Variants in VPS13B observed in about 807,000 individuals in gnomAD.
VPS13B encodes the protein vacuolar protein sorting 13 homolog B.
VPS13B carries 285 observed loss-of-function variants against 426.4 expected under a neutral mutation model. The ratio of observed to expected loss-of-function variants is 0.67; its 90% confidence interval spans 0.61 to 0.74. The LOEUF is 0.74. Ranked by LOEUF, VPS13B falls within the 30% of genes least tolerant of loss-of-function variation. VPS13B has a pLI of 0.00. For synonymous variants in VPS13B, 1,676 were observed against 1,676.4 expected (o/e 1.00, Z 0.01); for missense variants, 4,537 against 4,782.6 (o/e 0.95, Z 1.51).
At chr8:99,571,733 A>G (rs1488964706) in intron 31 of VPS13B, among the ~76,000 whole-genome samples, 1 of 152,140 alleles carries the variant, frequency 6.6e-6, no homozygotes, top group East Asian at 1.9e-4. Context: ...CATTTTATGG[A>G]ATTTGAGCTA....
At chr8:99,623,357 CTT>C (rs1358462200) in intron 33 of VPS13B, among the ~76,000 whole-genome samples, 1 of 152,188 alleles carries the variant, frequency 6.6e-6, no homozygotes, top group Non-Finnish European at 1.5e-5. Context: ...TTACTCTGCT[CTT>C]GTCTTTCTCA....
Position 99,577,504 on chromosome 8 carries a change from T to C in VPS13B, c.5091T>C (p.Cys1697=). ...TTTTGCTTCAGGAGATTTTAGTGTG[T>C]GGCCATTCCTTAGAAGTGAATATAA... ...ENLHTEEILV[C]GHSLEVNITT... is the part of the protein sequence containing the mutation. Residue 1697 remains cysteine (C), a synonymous_variant, in exon 33 of 62, where the codon TGT becomes TGC. Coordinates refer to ENST00000357162, the MANE Select transcript of VPS13B (RefSeq NM_152564.5). 1 of 1,613,812 alleles carries C rather than the reference T, an allele frequency of 6.2e-7. No individual in the cohort carries two copies. Among genetic ancestry groups the C allele is most frequent in the Non-Finnish European group, 8.5e-7 (1 of 1,179,722 alleles).
chr8:99,640,640 A>C (rs2133929512), intron 33 of VPS13B, among the ~76,000 whole-genome samples: 1 of 152,158 alleles, frequency 6.6e-6, no homozygotes, highest in Admixed American at 6.5e-5. Context: ...CTAATTGAAA[A>C]CTTGAATATC....
intron 3 of VPS13B, among the ~76,000 whole-genome samples, chr8:99,040,720 T>A (rs1842930425): frequency 1.3e-5 from 2 of 152,112 alleles, no homozygotes; most frequent in African/African-American, 4.8e-5. Context: ...AAATTGTGGT[T>A]GGAATGGTAG....
chr8:99,216,061 T>C (rs1013282194), intron 17 of VPS13B, among the ~76,000 whole-genome samples: 1 of 152,224 alleles, frequency 6.6e-6, no homozygotes, highest in African/African-American at 2.4e-5. Context: ...TGAAGTTCTT[T>C]TAGTAACTAA....
At chr8:99,763,917 C>G (rs1160001841) in intron 39 of VPS13B, among the ~76,000 whole-genome samples, 1 of 152,132 alleles carries the variant, frequency 6.6e-6, no homozygotes, top group Non-Finnish European at 1.5e-5. Flanking sequence ...TATGGATGCT[C>G]AAGTCACTGT....
At chr8:99,309,978 CTGTT>C (rs1240521326) in intron 19 of VPS13B, among the ~76,000 whole-genome samples, 4 of 152,118 alleles carry the variant, frequency 2.6e-5, no homozygotes, top group South Asian at 4.1e-4. Context: ...ATTTGGCTCT[CTGTT>C]TGTCTGTTAT....
intron 17 of VPS13B, among the ~76,000 whole-genome samples, chr8:99,194,228 T>G (rs1249818073): frequency 3.3e-5 from 5 of 152,200 alleles, no homozygotes. Context: ...AGGCTAGAGG[T>G]TCTTCACTCG....
chr8:99,336,413 A>G lies in VPS13B; in HGVS notation c.2825-47795A>G, dbSNP rs1269079279. ...TTAGACCTAAAACCATGAAAACCCT[A>G]GAAGAAAACCTAGGCATTACCATTC... On this transcript the variant is annotated intron_variant, in intron 19 of 61. Coordinates refer to ENST00000357162, the MANE Select transcript of VPS13B (RefSeq NM_152564.5). Among the ~76,000 whole-genome samples, 4 of 152,184 alleles carry G rather than the reference A, an allele frequency of 2.6e-5. No homozygotes were observed. In the East Asian group the frequency reaches 5.8e-4, roughly 22 times the overall value.
At chr8:99,483,152 T>C (rs564874307) in intron 25 of VPS13B, among the ~76,000 whole-genome samples, 1 of 152,190 alleles carries the variant, frequency 6.6e-6, no homozygotes, top group Admixed American at 6.5e-5. Context: ...AAATTTCAGC[T>C]GCTATAAAGC....
At chr8:99,234,117 G>A (rs1816508688) in intron 17 of VPS13B, 1 of 784,130 alleles carries the variant, frequency 1.3e-6, no homozygotes, top group Non-Finnish European at 2.4e-6. Flanking sequence ...CCGGAAGAGT[G>A]GTCCCCACCC....
chr8:99,343,031 C>G (rs1352870884), intron 19 of VPS13B, among the ~76,000 whole-genome samples: 9 of 151,134 alleles, frequency 6.0e-5, no homozygotes, highest in Admixed American at 5.9e-4. Context: ...ACCTGTTTGC[C>G]TTTTGTAGGT....
intron 21 of VPS13B, among the ~76,000 whole-genome samples, chr8:99,418,324 C>T (rs576726076): frequency 1.8e-3 from 272 of 151,974 alleles, no homozygotes; most frequent in Middle Eastern, 0.01. Context: ...TCTGATTTTT[C>T]TCCTATTAGC....
rs375284848 is a variant in VPS13B at position 99,078,920 on chromosome 8, TG to T, written c.292-17389del. 2.7e-4 allele frequency among the ~76,000 whole-genome samples: 41 copies of T among 152,062 alleles called. No homozygotes were observed. In the East Asian group the frequency reaches 6.6e-3, roughly 24 times the overall value. On this transcript the variant is annotated intron_variant, in intron 3 of 61. Coordinates refer to ENST00000357162, the MANE Select transcript of VPS13B (RefSeq NM_152564.5). ...ATGCTGGTGCCAGCAGTGGCCATGG[TG>T]GGTGTCTGTCTAGGCCCGCAGATAG...
At position 99,784,432 on chromosome 8, in the gene VPS13B, C is replaced by T; in HGVS notation, c.7897C>T (p.Leu2633Phe). The change falls in exon 43 of 62, where the codon CTC (leucine) becomes TTC (phenylalanine). Residue 2633 changes from leucine to phenylalanine, a missense_variant. Coordinates refer to ENST00000357162, the MANE Select transcript of VPS13B (RefSeq NM_152564.5). ...TGATGAAAATATTCTGCTGGCGAGTCTCCACAGTCACCAGTACAGCTGGCG... is the reference window on the plus strand; with the variant it reads ...TGATGAAAATATTCTGCTGGCGAGTTTCCACAGTCACCAGTACAGCTGGCG... ...DTDENILLASLHSHQYSWRSH... is the reference protein window; with the variant it reads ...DTDENILLASFHSHQYSWRSH... 2 of 1,613,694 alleles carry T rather than the reference C, an allele frequency of 1.2e-6. No individual in the cohort carries two copies. The highest frequency in any genetic ancestry group is 1.7e-6 in the Non-Finnish European group (2 of 1,179,686).
At chr8:99,691,457 A>G (rs1831659792) in intron 35 of VPS13B, among the ~76,000 whole-genome samples, 2 of 152,068 alleles carry the variant, frequency 1.3e-5, no homozygotes, top group Admixed American at 1.3e-4. Context: ...ACATGGGGAG[A>G]AAGGAACATT....
At chr8:99,175,933 T>G (rs1311284198) in intron 16 of VPS13B, among the ~76,000 whole-genome samples, 1 of 152,170 alleles carries the variant, frequency 6.6e-6, no homozygotes, top group Non-Finnish European at 1.5e-5. Flanking sequence ...CTATAATAAT[T>G]TCGTAGCCAC....
intron 21 of VPS13B, among the ~76,000 whole-genome samples, chr8:99,411,453 T>C (rs1010112819): frequency 1.4e-4 from 21 of 152,244 alleles, no homozygotes; most frequent in Non-Finnish European, 2.6e-4. Flanking sequence ...TTGTAAATTC[T>C]GGATATTAGC....
At chr8:99,268,095 C>A (rs761979527) in intron 17 of VPS13B, among the ~76,000 whole-genome samples, 1 of 152,182 alleles carries the variant, frequency 6.6e-6, no homozygotes, top group Non-Finnish European at 1.5e-5. Flanking sequence ...TGAGAGTACA[C>A]AGAAGACAAA....
Sources: gnomAD v4.1 joint callset for allele counts (sites outside exome capture counted in the v4.1 genomes callset) on GRCh38, gnomAD v4.1.1 for gene constraint, MANE v1.5 for transcripts, NCBI Gene and HGNC (gene_info 2026-07-23, HGNC 2026-07-21) for gene names.